ARRB1: variants seen among roughly 807,000 people sequenced by gnomAD.
ARRB1 encodes beta-arrestin-1.
In ARRB1, 21 loss-of-function variants were observed where a neutral mutation model predicts 56.8. The ratio of observed to expected loss-of-function variants is 0.37; its 90% CI spans 0.26 to 0.53. ARRB1 has a LOEUF of 0.53. ARRB1 is among the 20% of genes least tolerant of loss of function. The probability of loss-of-function intolerance (pLI) is 0.88; values close to 1 mark genes in which losing one functional copy is unlikely to be tolerated. For synonymous variants in ARRB1, 210 were observed against 218.6 expected, an observed-to-expected ratio of 0.96 and a Z score of 0.35; for missense variants, 424 against 553.7, an observed-to-expected ratio of 0.77 and a Z score of 2.35.
chr11:75,283,367 C>CG lies in ARRB1; in HGVS notation c.273dup (p.Glu92ArgfsTer27). The CG allele has an allele frequency of 6.2e-7, 1 of 1,614,132 alleles. No individual in the cohort carries two copies. Among genetic ancestry groups the CG allele is most frequent in the Non-Finnish European group, 8.5e-7 (1 of 1,179,990 alleles). On this transcript the variant is annotated frameshift_variant, in exon 5 of 16. Coordinates refer to ENST00000420843, the MANE Select transcript of ARRB1 (RefSeq NM_004041.5). LOFTEE classifies it high-confidence loss of function. Reference sequence around the variant, plus strand: ...AGCCGCGTCAGGGGCTTCTTGTCCTCGGGGGCCGGTGGGAACGACTGTACG... The same window carrying CG: ...AGCCGCGTCAGGGGCTTCTTGTCCTCGGGGGGCCGGTGGGAACGACTGTACG...
chr11:75,277,016 G>C, intron 9 of ARRB1, 105 bp from the exon 10 acceptor site: 5 of 1,138,008 alleles, frequency 4.4e-6, no homozygotes, highest in Non-Finnish European at 6.6e-6. Flanking sequence ...GCAATGGCCA[G>C]AGGCCACCAG....
intron 11 of ARRB1, 86 bp from the exon 12 acceptor site, chr11:75,273,064 C>G: frequency 1.8e-6 from 2 of 1,125,162 alleles, no homozygotes; most frequent in Admixed American, 3.8e-5. Flanking sequence ...GGGGCAGTGG[C>G]CGTCCATCCC....
intron 1 of ARRB1, among the ~76,000 whole-genome samples, chr11:75,325,195 CAGG>C (rs772546119): frequency 2.0e-5 from 3 of 152,042 alleles, no homozygotes; most frequent in Admixed American, 6.6e-5. Flanking sequence ...TGTTTTTGTC[CAGG>C]AGAAGTGAGG....
chr11:75,268,802 A>G, intron 14 of ARRB1, 87 bp downstream of exon 14: 1 of 1,443,098 alleles, frequency 6.9e-7, no homozygotes, highest in Non-Finnish European at 9.5e-7. Context: ...GACTGGGCTG[A>G]GGGCGAACCC....
At chr11:75,306,609 G>C (rs1293664267) in intron 1 of ARRB1, 1 of 1,289,176 alleles carries the variant, frequency 7.8e-7, no homozygotes, top group Non-Finnish European at 1.0e-6. Context: ...CAGCCCAGAA[G>C]CAGCGCCAAA....
chr11:75,285,080 G>A (rs1238916806), intron 3 of ARRB1, among the ~76,000 whole-genome samples: 1 of 152,150 alleles, frequency 6.6e-6, no homozygotes, highest in Non-Finnish European at 1.5e-5. Context: ...GTTTGGGTCA[G>A]GTTTGCCAAT....
intron 1 of ARRB1, among the ~76,000 whole-genome samples, chr11:75,330,669 G>A (rs1947507256): frequency 6.6e-6 from 1 of 152,226 alleles, no homozygotes; most frequent in African/African-American, 2.4e-5. Context: ...GAGGCAGAGA[G>A]ATCACTGAAG....
chr11:75,272,638 C>T, intron 12 of ARRB1: 1 of 492,920 alleles, frequency 2.0e-6, no homozygotes, highest in Non-Finnish European at 3.7e-6. Context: ...GAGCCCAGAC[C>T]TAGGATAGAG....
At chr11:75,275,149 T>TTTATTTTATTTTA (rs1285412467) in intron 10 of ARRB1, among the ~76,000 whole-genome samples, 1 of 150,386 alleles carries the variant, frequency 6.6e-6, no homozygotes, top group Non-Finnish European at 1.5e-5. Context: ...TTTATTTTAT[T>TTTATTTTATTTTA]TTATTTTATT....
intron 1 of ARRB1, among the ~76,000 whole-genome samples, chr11:75,341,656 C>T (rs981543015): frequency 6.6e-6 from 1 of 152,216 alleles, no homozygotes; most frequent in Non-Finnish European, 1.5e-5. Context: ...CTCCTCCACA[C>T]TCTCTGAGGG....
chr11:75,269,305 C>A (rs1468503602), intron 13 of ARRB1: 8 of 442,938 alleles, frequency 1.8e-5, no homozygotes, highest in East Asian at 1.1e-4. Flanking sequence ...GGGACCCCCC[C>A]CCACCTCAAA....
At chr11:75,327,599 G>GTT (rs1554982206) in intron 1 of ARRB1, among the ~76,000 whole-genome samples, 3,765 of 146,700 alleles carry the variant, frequency 0.026, 61 homozygotes, top group African/African-American at 0.041. Context: ...TTTTGTTTTT[G>GTT]TTTTTTTTTT....
At chr11:75,337,984 A>G (rs749252241) in intron 1 of ARRB1, among the ~76,000 whole-genome samples, 13 of 152,140 alleles carry the variant, frequency 8.5e-5, no homozygotes, top group Non-Finnish European at 1.8e-4. Flanking sequence ...CACCAGAGGA[A>G]GAAGGGCATT....
At chr11:75,350,716 CA>C (rs1207303586) in intron 1 of ARRB1, among the ~76,000 whole-genome samples, 1 of 152,184 alleles carries the variant, frequency 6.6e-6, no homozygotes, top group African/African-American at 2.4e-5. Context: ...CTCAGGAGGT[CA>C]GAGGGAAAGG....
intron 1 of ARRB1, among the ~76,000 whole-genome samples, chr11:75,336,536 T>C (rs577605087): frequency 6.6e-6 from 1 of 152,224 alleles, no homozygotes; most frequent in East Asian, 1.9e-4. Flanking sequence ...TCTACGAATC[T>C]TTATGAGAAG....
chr11:75,334,240 T>A (rs1039739883), intron 1 of ARRB1, among the ~76,000 whole-genome samples: 1 of 143,214 alleles, frequency 7.0e-6, no homozygotes, highest in Non-Finnish European at 1.5e-5. Flanking sequence ...GAGAGTTGCT[T>A]GAACCCGGGC....
intron 10 of ARRB1, among the ~76,000 whole-genome samples, chr11:75,276,228 T>G (rs1244291193): frequency 2.0e-5 from 3 of 151,828 alleles, no homozygotes; most frequent in Non-Finnish European, 2.9e-5. Context: ...AAAAAATGTG[T>G]ATGTCTTTGA....
At chr11:75,300,960 T>C (rs1260553559) in intron 1 of ARRB1, among the ~76,000 whole-genome samples, 1 of 108,708 alleles carries the variant, frequency 9.2e-6, no homozygotes, top group African/African-American at 4.5e-5. Context: ...AGAGCGAGAC[T>C]CCGTCTCAAA....
Position 75,268,981 on chromosome 11 carries a change from A to G in ARRB1, c.1023-22T>C, listed in dbSNP as rs1946008430. 3 of 1,606,586 alleles carry G rather than the reference A, an allele frequency of 1.9e-6. No homozygotes were observed. The South Asian group carries it at 3.3e-5, about 18-fold the overall frequency. On this transcript the variant is annotated intron_variant, in intron 13 of 15. Coordinates refer to ENST00000420843, the MANE Select transcript of ARRB1 (RefSeq NM_004041.5). The stretch of plus-strand genomic sequence containing the variant: ...GTCGCTGAAACAGAGACCCAGACCC[A>G]GTGAGCCTTGAGCGGACTCACAGGC...
Sources: allele counts gnomAD v4.1 joint callset (sites outside exome capture counted in the v4.1 genomes callset), GRCh38; gene constraint gnomAD v4.1.1; transcripts MANE v1.5; gene names NCBI Gene and HGNC (gene_info 2026-07-23, HGNC 2026-07-21).